STAU1: variants seen among roughly 807,000 people sequenced by gnomAD.
STAU1 encodes double-stranded RNA-binding protein Staufen homolog 1.
In STAU1, 13 loss-of-function variants were observed where a neutral mutation model predicts 62.9. The ratio of observed to expected loss-of-function variants is 0.21; its 90% CI spans 0.13 to 0.33. STAU1 has a LOEUF of 0.33. STAU1 is among the 10% of genes least tolerant of loss of function. The pLI, the probability that STAU1 is intolerant of heterozygous loss-of-function variation, is 1.00. For synonymous variants in STAU1, 269 were observed against 265.1 expected, an observed-to-expected ratio of 1.01 and a Z score of -0.14; for missense variants, 571 against 712.1, an observed-to-expected ratio of 0.80 and a Z score of 2.25.
At chr20:49,132,408 C>G (rs1600666211) in intron 6 of STAU1, among the ~76,000 whole-genome samples, 1 of 152,242 alleles carries the variant, frequency 6.6e-6, no homozygotes, top group East Asian at 1.9e-4. Context: ...AATTGTCTCC[C>G]GATGACCGTA....
intron 4 of STAU1, among the ~76,000 whole-genome samples, chr20:49,152,911 G>A (rs2093279880): frequency 6.6e-6 from 1 of 152,122 alleles, no homozygotes; most frequent in South Asian, 2.1e-4. Context: ...AAGCCACACT[G>A]CCAGCAAGAA....
chr20:49,150,525 C>T (rs1025477143), intron 5 of STAU1, among the ~76,000 whole-genome samples: 2 of 152,116 alleles, frequency 1.3e-5, no homozygotes, highest in East Asian at 1.9e-4. Context: ...CCACGCCCGG[C>T]GAATTTTTTG....
intron 1 of STAU1, among the ~76,000 whole-genome samples, chr20:49,176,957 G>T (rs1002309645): frequency 4.6e-5 from 7 of 150,626 alleles, no homozygotes; most frequent in African/African-American, 1.7e-4. Context: ...TGTTGCCCAG[G>T]CTGGAGTGCA....
intron 4 of STAU1, among the ~76,000 whole-genome samples, chr20:49,153,603 C>T (rs1262960900): frequency 1.4e-4 from 21 of 145,824 alleles, no homozygotes; most frequent in Admixed American, 3.5e-4. Flanking sequence ...CCCAGCTATT[C>T]GGGAGGCTGA....
At chr20:49,172,807 G>C (rs1439758219) in intron 2 of STAU1, among the ~76,000 whole-genome samples, 1 of 151,928 alleles carries the variant, frequency 6.6e-6, no homozygotes, top group African/African-American at 2.4e-5. Context: ...CTTTATAATA[G>C]GATATTTGAC....
intron 7 of STAU1, 148 bp from the exon 8 acceptor site, chr20:49,123,383 A>G: frequency 2.1e-6 from 2 of 937,582 alleles, no homozygotes; most frequent in Non-Finnish European, 3.2e-6. Flanking sequence ...CATTTTAACA[A>G]TGAAAAGATG....
At chr20:49,139,410 C>T (rs1341106051) in intron 5 of STAU1, among the ~76,000 whole-genome samples, 1 of 152,152 alleles carries the variant, frequency 6.6e-6, no homozygotes, top group East Asian at 1.9e-4. Context: ...AAAGCACTTA[C>T]ACAGGCATTT....
At position 49,135,870 on chromosome 20, in the gene STAU1, T is replaced by G. The variant is rs772028709; in HGVS notation, c.572A>C (p.Glu191Ala). ...AGGCAAGTTCCGTTTAAGTGCAATC[T>G]CAAACACTTGACTTATTTCAGATTT... The part of the protein sequence containing the change: ...LNKSEISQVF[E>A]IALKRNLPVN... Residue 191 changes from glutamate (E) to alanine (A), a missense_variant, in exon 6 of 14, where the codon GAG becomes GCG. Physicochemically the swap from Glu to Ala is moderately radical, Grantham distance 107. This residue lies in a region of STAU1 where 414 missense variants were observed against 499.6 expected (regional missense o/e 0.83). Transcript: ENST00000371856. The G allele has an allele frequency of 1.9e-6, 3 of 1,614,034 alleles. No homozygotes were observed.
At chr20:49,125,880 G>A (rs1027208741) in intron 6 of STAU1, among the ~76,000 whole-genome samples, 22 of 151,996 alleles carry the variant, frequency 1.4e-4, no homozygotes, top group African/African-American at 5.1e-4. Context: ...TACAACAGGT[G>A]TGAGGGATTA....
At chr20:49,115,665 G>A (rs1461534139) in intron 13 of STAU1, 117 bp downstream of exon 13, 1 of 912,018 alleles carries the variant, frequency 1.1e-6, no homozygotes, top group South Asian at 1.4e-5. Context: ...AGGCAAAAGG[G>A]CCAGAAAGTA....
At chr20:49,201,780 A>G in the STAU1 span, among the ~76,000 whole-genome samples, 2 of 151,534 alleles carry the variant, frequency 1.3e-5, no homozygotes, top group Non-Finnish European at 2.9e-5. Context: ...GGGGAATATT[A>G]AAATATTGTG....
intron 7 of STAU1, among the ~76,000 whole-genome samples, chr20:49,124,162 T>C (rs1281540426): frequency 6.6e-6 from 1 of 152,192 alleles, no homozygotes; most frequent in Non-Finnish European, 1.5e-5. Context: ...CACAGATGTG[T>C]GTGCCCGTCT....
intron 3 of STAU1, among the ~76,000 whole-genome samples, chr20:49,155,992 C>G (rs1395225804): frequency 2.0e-5 from 3 of 152,162 alleles, no homozygotes; most frequent in African/African-American, 7.2e-5. Flanking sequence ...GATCCCCAAC[C>G]CTTCACCAGC....
At chr20:49,134,433 GGAA>G in intron 6 of STAU1, 1 of 262,456 alleles carries the variant, frequency 3.8e-6, no homozygotes, top group South Asian at 3.3e-5. Flanking sequence ...CTCATCTCAG[GGAA>G]AAAAAAAAAA....
At chr20:49,203,969 C>T in the STAU1 span, among the ~76,000 whole-genome samples, 1 of 152,226 alleles carries the variant, frequency 6.6e-6, no homozygotes, top group African/African-American at 2.4e-5. Context: ...AGGCAAGGGC[C>T]ACCTCGCCTG....
chr20:49,174,537 T>C (rs1364490909), intron 1 of STAU1, among the ~76,000 whole-genome samples: 8 of 148,726 alleles, frequency 5.4e-5, no homozygotes, highest in Admixed American at 5.4e-4. Context: ...CTGGCCAACA[T>C]GATGAAACCC....
the STAU1 span, among the ~76,000 whole-genome samples, chr20:49,201,044 C>CAAAAA: frequency 0.037 from 1,169 of 31,414 alleles, 132 homozygotes; most frequent in Middle Eastern, 0.12. Context: ...GACCCACTCT[C>CAAAAA]AAAAAAAAAA....
chr20:49,137,533 T>C (rs1277149593), intron 5 of STAU1, among the ~76,000 whole-genome samples: 2 of 152,198 alleles, frequency 1.3e-5, no homozygotes, highest in African/African-American at 2.4e-5. Flanking sequence ...ATTTATAAAG[T>C]CCTGCTTCTG....
rs1412545650 is a variant in STAU1 at position 49,154,033 on chromosome 20, T to C, written c.244A>G (p.Met82Val). The change falls in exon 4 of 14, where the codon ATG becomes GTG. Residue 82 changes from methionine to valine, a missense_variant. Physicochemically the swap from Met to Val is conservative, Grantham distance 21. This residue lies in a region of STAU1 where 414 missense variants were observed against 499.6 expected (regional missense o/e 0.83). Transcript: ENST00000371856. ...TPTVELNALC[M>V]KLGKKPMYKP... ...TACATTGGTTTTTTTCCAAGTTTCA[T>C]GCACAGTGCATTTAGTTCTACAGTA... 5 of 1,612,946 alleles carry C rather than the reference T, an allele frequency of 3.1e-6. No homozygotes were observed. Among genetic ancestry groups the C allele is most frequent in the African/African-American group, 1.3e-5 (1 of 74,944 alleles).
Sources: gnomAD v4.1 joint callset for allele counts (sites outside exome capture counted in the v4.1 genomes callset) on GRCh38, gnomAD v4.1.1 for gene constraint, gnomAD v4.1.1 regional missense constraint, MANE v1.5 for transcripts, NCBI Gene and HGNC (gene_info 2026-07-23, HGNC 2026-07-21) for gene names.